EYA3: variants seen among roughly 807,000 people sequenced by gnomAD.
The protein encoded by EYA3 is EYA transcriptional coactivator and phosphatase 3, also known as protein phosphatase EYA3.
In EYA3, 39 loss-of-function variants were observed where a neutral mutation model predicts 80.0. That is an observed-to-expected ratio of 0.49 (90% CI 0.38 to 0.64). The LOEUF (loss-of-function observed/expected upper bound fraction) is 0.64, where lower values mean the gene tolerates loss of function less well. Among genes scored for constraint, EYA3 ranks in the 30% least tolerant of loss-of-function variants. The probability of loss-of-function intolerance (pLI) is 0.00; values close to 1 mark genes in which losing one functional copy is unlikely to be tolerated. For synonymous variants in EYA3, 206 were observed against 232.8 expected (o/e 0.88, Z 1.05); for missense variants, 523 against 676.1 (o/e 0.77, Z 2.51).
chr1:28,021,687 T>C (rs1642448095), intron 7 of EYA3, among the ~76,000 whole-genome samples: 1 of 151,950 alleles, frequency 6.6e-6, no homozygotes, highest in Non-Finnish European at 1.5e-5. Context: ...CACTGCAACC[T>C]CTGCCTCCCT....
chr1:28,047,482 A>T (rs934012818), intron 3 of EYA3, among the ~76,000 whole-genome samples: 3 of 152,068 alleles, frequency 2.0e-5, no homozygotes, highest in African/African-American at 7.2e-5. Context: ...GTGTGGAGGT[A>T]AAAGTGTAGG....
intron 1 of EYA3, among the ~76,000 whole-genome samples, chr1:28,087,813 CTT>C (rs1393944524): frequency 1.3e-5 from 2 of 152,230 alleles, no homozygotes; most frequent in African/African-American, 4.8e-5. Context: ...GTTAGCTGCT[CTT>C]GAGAGAGCCC....
At chr1:28,082,920 G>A (rs1344748215) in intron 1 of EYA3, among the ~76,000 whole-genome samples, 1 of 152,130 alleles carries the variant, frequency 6.6e-6, no homozygotes, top group East Asian at 1.9e-4. Flanking sequence ...TGCCATCTGA[G>A]AAACATCGGT....
At chr1:28,027,648 A>G (rs1642864554) in intron 7 of EYA3, 141 bp downstream of exon 7, 1 of 1,094,824 alleles carries the variant, frequency 9.1e-7, no homozygotes, top group African/African-American at 1.6e-5. Flanking sequence ...AAGCATGCAC[A>G]AATCCAAGTA....
chr1:28,027,703 ATTTG>A (rs1642868840), intron 7 of EYA3, 82 bp downstream of exon 7: 5 of 1,552,964 alleles, frequency 3.2e-6, no homozygotes, highest in Non-Finnish European at 4.4e-6. Flanking sequence ...GTATTATCCA[ATTTG>A]TTTGTTTGGA....
At chr1:28,064,795 AT>A (rs1187902798) in intron 1 of EYA3, among the ~76,000 whole-genome samples, 3 of 151,972 alleles carry the variant, frequency 2.0e-5, no homozygotes, top group African/African-American at 7.3e-5. Context: ...GCTCCAAGTA[AT>A]TTTTATATTC....
intron 2 of EYA3, among the ~76,000 whole-genome samples, chr1:28,049,988 T>G (rs1350892390): frequency 2.0e-5 from 3 of 152,150 alleles, no homozygotes; most frequent in Admixed American, 2.0e-4. Flanking sequence ...GTTGGCTGAG[T>G]AACCAAAACA....
At chr1:27,977,698 A>C (rs922342355) in intron 17 of EYA3, among the ~76,000 whole-genome samples, 1 of 151,984 alleles carries the variant, frequency 6.6e-6, no homozygotes, top group African/African-American at 2.4e-5. Context: ...AAATACAAAA[A>C]TTAGTTGGGC....
At chr1:27,977,001 A>G in intron 17 of EYA3, 1 of 985,060 alleles carries the variant, frequency 1.0e-6, no homozygotes, top group Non-Finnish European at 1.2e-6. Context: ...TATAGGCATG[A>G]GCCACCGTGC....
At position 28,037,367 on chromosome 1, in the gene EYA3, G is replaced by C. The variant is rs536825474; in HGVS notation, c.224+1472C>G. Among the ~76,000 whole-genome samples, 51 of 152,292 alleles carry C rather than the reference G, an allele frequency of 3.3e-4. 1 individual carries two copies. Among genetic ancestry groups the C allele is most frequent in the African/African-American group, 1.1e-3 (46 of 41,556 alleles). The stretch of plus-strand genomic sequence containing the variant: ...GAATGAATAAATGAATTTGGAATCT[G>C]CAACATATTAACATCTCAGTACATT... On this transcript the variant is annotated intron_variant, in intron 5 of 17. Transcript: ENST00000373871.
intron 1 of EYA3, among the ~76,000 whole-genome samples, chr1:28,059,787 C>T (rs189192495): frequency 1.4e-5 from 2 of 141,798 alleles, no homozygotes; most frequent in African/African-American, 5.2e-5. Flanking sequence ...GTGGCGCAAT[C>T]TCGGCTAACT....
intron 1 of EYA3, among the ~76,000 whole-genome samples, chr1:28,071,430 C>T (rs1214791974): frequency 6.6e-6 from 1 of 152,068 alleles, no homozygotes; most frequent in Non-Finnish European, 1.5e-5. Flanking sequence ...TAATATGCTC[C>T]TCCATAAATC....
chr1:28,015,640 G>C (rs941455281), intron 8 of EYA3, among the ~76,000 whole-genome samples: 17 of 152,244 alleles, frequency 1.1e-4, no homozygotes, highest in African/African-American at 3.6e-4. Flanking sequence ...AGAATGAACA[G>C]GCACAAGGGG....
intron 4 of EYA3, among the ~76,000 whole-genome samples, chr1:28,042,187 A>G (rs2148862826): frequency 6.6e-6 from 1 of 152,340 alleles, no homozygotes; most frequent in South Asian, 2.1e-4. Context: ...CTTTGAGGAA[A>G]CACTATATAG....
chr1:27,976,571 A>G (rs922669402), intron 17 of EYA3, among the ~76,000 whole-genome samples: 1 of 152,216 alleles, frequency 6.6e-6, no homozygotes, highest in African/African-American at 2.4e-5. Context: ...CCACGGTGGA[A>G]TAGGCTACTG....
intron 1 of EYA3, among the ~76,000 whole-genome samples, chr1:28,073,127 A>ATATATATATTTTT: frequency 6.7e-5 from 1 of 14,996 alleles, no homozygotes; most frequent in Non-Finnish European, 1.1e-4. Flanking sequence ...ATATATATAT[A>ATATATATATTTTT]TTTTTTTTTT....
At chr1:28,081,815 A>C (rs2148956793) in intron 1 of EYA3, among the ~76,000 whole-genome samples, 1 of 152,322 alleles carries the variant, frequency 6.6e-6, no homozygotes, top group South Asian at 2.1e-4. Context: ...GATAGCAACT[A>C]CCTACCAATT....
intron 16 of EYA3, 79 bp downstream of exon 16, chr1:27,988,456 G>C: frequency 6.7e-7 from 1 of 1,503,236 alleles, no homozygotes; most frequent in Non-Finnish European, 9.1e-7. Flanking sequence ...TAACAAGAGG[G>C]GCTAGAAAAT....
At chr1:28,021,403 T>C (rs1240117741) in intron 7 of EYA3, among the ~76,000 whole-genome samples, 1 of 152,136 alleles carries the variant, frequency 6.6e-6, no homozygotes, top group African/African-American at 2.4e-5. Context: ...AGAGCACTGT[T>C]CAAAATCTGT....
Sources: gnomAD v4.1 joint callset for allele counts (sites outside exome capture counted in the v4.1 genomes callset) on GRCh38, gnomAD v4.1.1 for gene constraint, MANE v1.5 for transcripts, NCBI Gene and HGNC (gene_info 2026-07-23, HGNC 2026-07-21) for gene names.